Variants in PIK3C2G observed in about 807,000 individuals in gnomAD.
PIK3C2G encodes phosphatidylinositol-4-phosphate 3-kinase catalytic subunit type 2 gamma, also known as phosphatidylinositol 3-kinase C2 domain-containing subunit gamma.
PIK3C2G carries 168 observed loss-of-function variants against 181.1 expected under a neutral mutation model. The observed-to-expected ratio is 0.93, with a 90% confidence interval of 0.82 to 1.05. The LOEUF is 1.05. PIK3C2G is among the 50% of genes least tolerant of loss of function. The pLI is 0.00. For missense variants in PIK3C2G, 1,869 were observed against 1,732.8 expected, an observed-to-expected ratio of 1.08 and a Z score of -1.40; for synonymous variants, 573 against 592.2, an observed-to-expected ratio of 0.97 and a Z score of 0.47.
intron 1 of PIK3C2G, among the ~76,000 whole-genome samples, chr12:18,264,912 C>A (rs1948416152): frequency 6.6e-6 from 1 of 152,166 alleles, no homozygotes; most frequent in South Asian, 2.1e-4. Flanking sequence ...ACTAATAACC[C>A]ACTGTAGAAG....
At chr12:18,585,858 A>C (rs1946746360) in intron 29 of PIK3C2G, among the ~76,000 whole-genome samples, 1 of 152,236 alleles carries the variant, frequency 6.6e-6, no homozygotes, top group African/African-American at 2.4e-5. Flanking sequence ...TTCTCAGACC[A>C]CAGCAAAATA....
chr12:18,411,845 C>T (rs542314788), intron 16 of PIK3C2G, among the ~76,000 whole-genome samples: 14 of 152,106 alleles, frequency 9.2e-5, no homozygotes, highest in African/African-American at 3.1e-4. Flanking sequence ...TTTGTTACAT[C>T]GCATTTGGCT....
intron 31 of PIK3C2G, among the ~76,000 whole-genome samples, chr12:18,616,294 A>G (rs1367858045): frequency 6.6e-6 from 1 of 152,144 alleles, no homozygotes; most frequent in Non-Finnish European, 1.5e-5. Flanking sequence ...TATTTTGAAT[A>G]CAGTGGTTAG....
chr12:18,529,273 C>A (rs1429369631), intron 24 of PIK3C2G, among the ~76,000 whole-genome samples: 1 of 152,118 alleles, frequency 6.6e-6, no homozygotes, highest in African/African-American at 2.4e-5. Context: ...GTATCAGGAT[C>A]ACTTTCTCAT....
chr12:18,492,314 A>G (rs952266843), intron 20 of PIK3C2G, among the ~76,000 whole-genome samples: 4 of 152,214 alleles, frequency 2.6e-5, no homozygotes, highest in Admixed American at 2.6e-4. Flanking sequence ...AAGTCATAAG[A>G]CAGTCAAGAA....
chr12:18,578,153 C>T (rs978691406), intron 29 of PIK3C2G, among the ~76,000 whole-genome samples: 2 of 152,142 alleles, frequency 1.3e-5, no homozygotes, highest in Non-Finnish European at 2.9e-5. Context: ...GATTCAGATG[C>T]ACGACCAGGT....
At chr12:18,267,768 G>C (rs11043989) in intron 1 of PIK3C2G, among the ~76,000 whole-genome samples, 3 of 152,136 alleles carry the variant, frequency 2.0e-5, no homozygotes, top group African/African-American at 7.2e-5. Flanking sequence ...TACGTATCTA[G>C]GTAATTCTAG....
the PIK3C2G span, among the ~76,000 whole-genome samples, chr12:18,655,712 G>GT: frequency 2.7e-5 from 4 of 150,108 alleles, no homozygotes; most frequent in African/African-American, 9.8e-5. Flanking sequence ...TACCTCTGAG[G>GT]TTTTCCTCCC....
At chr12:18,539,868 C>A (rs987424397) in intron 25 of PIK3C2G, among the ~76,000 whole-genome samples, 1 of 151,784 alleles carries the variant, frequency 6.6e-6, no homozygotes, top group Non-Finnish European at 1.5e-5. Context: ...TACCCATCTC[C>A]GAAATCTTCA....
the PIK3C2G span, among the ~76,000 whole-genome samples, chr12:18,688,491 G>A: frequency 5.3e-5 from 8 of 151,744 alleles, no homozygotes; most frequent in Non-Finnish European, 8.8e-5. Context: ...AAAATCATTT[G>A]TTATGATCAC....
intron 26 of PIK3C2G, among the ~76,000 whole-genome samples, chr12:18,548,380 C>T (rs117993290): frequency 0.011 from 1,629 of 152,114 alleles, 20 homozygotes; most frequent in Non-Finnish European, 0.017. Context: ...AAAGGAAATG[C>T]CATATATGTA....
chr12:18,686,814 A>G, the PIK3C2G span, among the ~76,000 whole-genome samples: 1 of 152,110 alleles, frequency 6.6e-6, no homozygotes, highest in Non-Finnish European at 1.5e-5. Context: ...TAAGTCTTTT[A>G]CTACTCAGCA....
the PIK3C2G span, among the ~76,000 whole-genome samples, chr12:18,711,278 G>T: frequency 6.7e-6 from 1 of 148,428 alleles, no homozygotes; most frequent in East Asian, 2.0e-4. Context: ...GCAAACTATC[G>T]CAAGGACAAA....
intron 16 of PIK3C2G, among the ~76,000 whole-genome samples, chr12:18,401,988 G>A (rs1026678728): frequency 6.6e-6 from 1 of 152,016 alleles, no homozygotes; most frequent in African/African-American, 2.4e-5. Flanking sequence ...GTTAAACCCA[G>A]AGTTACTATA....
At chr12:18,680,431 C>T in the PIK3C2G span, among the ~76,000 whole-genome samples, 1 of 151,952 alleles carries the variant, frequency 6.6e-6, no homozygotes, top group Non-Finnish European at 1.5e-5. Flanking sequence ...AGCTTCCTCA[C>T]ACCTCTTTCA....
chr12:18,394,651 A>G (rs1447584763), intron 15 of PIK3C2G, among the ~76,000 whole-genome samples: 1 of 152,036 alleles, frequency 6.6e-6, no homozygotes, highest in Non-Finnish European at 1.5e-5. Context: ...TACCTAAAAT[A>G]TTTGTTTAAA....
intron 6 of PIK3C2G, among the ~76,000 whole-genome samples, chr12:18,317,784 T>C (rs1336989273): frequency 2.0e-5 from 3 of 152,240 alleles, no homozygotes; most frequent in Admixed American, 6.5e-5. Flanking sequence ...CATATTGCTG[T>C]ATTTCAAATG....
At position 18,267,731 on chromosome 12, in the gene PIK3C2G, T is replaced by C. The variant is rs918144601; in HGVS notation, c.-79+6154T>C. Among the ~76,000 whole-genome samples, 4 of 152,236 alleles carry C rather than the reference T, an allele frequency of 2.6e-5. No homozygotes were observed. In the East Asian group the frequency reaches 7.7e-4, roughly 29 times the overall value. ...CTGGACTTCATCTATATTGCTTTCA[T>C]GTCCAATTGACTATTTTGAGAAGGT... On this transcript the variant is annotated intron_variant, in intron 1 of 32. Transcript: ENST00000538779.
At chr12:18,474,090 AACT>A (rs1938729239) in intron 18 of PIK3C2G, among the ~76,000 whole-genome samples, 1 of 152,100 alleles carries the variant, frequency 6.6e-6, no homozygotes, top group Non-Finnish European at 1.5e-5. Context: ...CAAGAACAAC[AACT>A]ACTATTATTA....
Sources: gnomAD v4.1 joint callset for allele counts (sites outside exome capture counted in the v4.1 genomes callset) on GRCh38, gnomAD v4.1.1 for gene constraint, MANE v1.5 for transcripts, NCBI Gene and HGNC (gene_info 2026-07-23, HGNC 2026-07-21) for gene names.